SHBG: variants seen among roughly 807,000 people sequenced by gnomAD.
The protein encoded by SHBG is sex hormone-binding globulin.
A neutral mutation model predicts 41.9 loss-of-function variants in SHBG; 37 were observed. The observed-to-expected ratio is 0.88, with a 90% CI of 0.68 to 1.16. The LOEUF (loss-of-function observed/expected upper bound fraction) is 1.16, where lower values mean the gene tolerates loss of function less well. Among genes scored for constraint, SHBG ranks in the 50% most tolerant of loss-of-function variants. The probability of loss-of-function intolerance (pLI) is 0.00; values close to 1 mark genes in which losing one functional copy is unlikely to be tolerated. For missense variants in SHBG, 466 were observed against 499.9 expected (o/e 0.93, Z 0.65); for synonymous variants, 217 against 205.8 (o/e 1.05, Z -0.47).
In SHBG at chr17:7,632,717, C is replaced by T. The variant is rs2072458355; in HGVS notation, c.853-35C>T. ...CAGTAGGCCCGGCTCATTCTTCCCT[C>T]TCTCTCTACCGTCCCTTTCCCACAC... On this transcript the variant is annotated intron_variant, in intron 6 of 7. Coordinates refer to ENST00000380450, the MANE Select transcript of SHBG (RefSeq NM_001040.5). 1.9e-6 allele frequency: 3 copies of T among 1,554,460 alleles called. No homozygotes were observed. In the South Asian group the frequency reaches 3.3e-5, roughly 17 times the overall value.
Position 7,630,182 on chromosome 17 carries a change from A to G in SHBG, c.10A>G (p.Arg4Gly). 3 of 1,613,854 alleles carry G rather than the reference A, an allele frequency of 1.9e-6. No homozygotes were observed. The highest frequency in any genetic ancestry group is 2.5e-6 in the Non-Finnish European group (3 of 1,179,766). ...TGGACAGTGGCTGATTATGGAGAGC[A>G]GAGGCCCACTGGCTACCTCGCGCCT... MES[R>G]GPLATSRLLL... is the part of the protein sequence containing the mutation. Residue 4 changes from arginine (R) to glycine (G), a missense_variant, in exon 1 of 8, where the codon AGA (arginine) becomes GGA (glycine). Physicochemically the swap from Arg to Gly is moderately radical, Grantham distance 125. Coordinates refer to ENST00000380450, the MANE Select transcript of SHBG (RefSeq NM_001040.5). The surrounding 1 kb of genome is among the most constrained non-coding windows in gnomAD (Gnocchi z 4.6).
rs2072409097 is a variant in SHBG, at chr17:7,631,423, G to T, written c.555+62G>T. On this transcript the variant is annotated intron_variant, in intron 4 of 7. Coordinates refer to ENST00000380450, the MANE Select transcript of SHBG (RefSeq NM_001040.5). ...TTGGTAAAGCACTGCTGGGTGGCTG[G>T]CCGTGGGAATCTAAGTCCACACTTT... 19 of 1,592,732 alleles carry T rather than the reference G, an allele frequency of 1.2e-5. No homozygotes were observed. In the South Asian group the frequency reaches 2.0e-4, roughly 17 times the overall value.
chr17:7,627,437 A>T, upstream of SHBG: 2 of 1,613,842 alleles, frequency 1.2e-6, no homozygotes, highest in Non-Finnish European at 1.7e-6. This position sits in a 1 kb window ranked among gnomAD's most constrained non-coding sequence, Gnocchi z 4.8. Flanking sequence ...TACGGAAGCT[A>T]GATTAGAGCA....
At chr17:7,621,119 A>AACCAGCTGCATAAACTGGTCTC (rs2072087809) in intron 1 of SHBG, among the ~76,000 whole-genome samples, 2 of 121,420 alleles carry the variant, frequency 1.6e-5, no homozygotes, top group African/African-American at 3.1e-5. Flanking sequence ...AAAAAAAAAA[A>AACCAGCTGCATAAACTGGTCTC]AAAATCAAGA....
At chr17:7,629,936 G>A (rs1307355926), upstream of SHBG, among the ~76,000 whole-genome samples, 1 of 152,090 alleles carries the variant, frequency 6.6e-6, no homozygotes, top group Admixed American at 6.5e-5. Flanking sequence ...AAACTTTCTC[G>A]GCAGTGGAGG....
intron 1 of SHBG, among the ~76,000 whole-genome samples, chr17:7,619,490 G>A (rs953327312): frequency 4.6e-5 from 7 of 150,920 alleles, no homozygotes; most frequent in African/African-American, 1.5e-4. Flanking sequence ...GGCGGATCAT[G>A]AGGTCAGGAG....
chr17:7,625,964 G>A (rs1462942646), upstream of SHBG, among the ~76,000 whole-genome samples: 1 of 151,298 alleles, frequency 6.6e-6, no homozygotes, highest in Non-Finnish European at 1.5e-5. Flanking sequence ...AGCACTTTTC[G>A]AGGCCGAGGC....
At chr17:7,621,268 G>A (rs2072091053) in intron 1 of SHBG, among the ~76,000 whole-genome samples, 1 of 142,024 alleles carries the variant, frequency 7.0e-6, no homozygotes, top group Non-Finnish European at 1.6e-5. Flanking sequence ...AGACCAGCCT[G>A]GCCAACACGG....
intron 1 of SHBG, among the ~76,000 whole-genome samples, chr17:7,615,389 G>A (rs1394162536): frequency 6.6e-6 from 1 of 152,212 alleles, no homozygotes; most frequent in Non-Finnish European, 1.5e-5. Context: ...GGTGCTTGGT[G>A]CGCACGCGCT....
intron 1 of SHBG, among the ~76,000 whole-genome samples, chr17:7,615,449 ACT>A (rs1555572852): frequency 6.6e-6 from 1 of 151,964 alleles, no homozygotes; most frequent in Non-Finnish European, 1.5e-5. Context: ...AGAATCTGTA[ACT>A]CTCTACTGTA....
upstream of SHBG, chr17:7,628,235 AT>A (rs2072287297): frequency 1.0e-5 from 3 of 289,920 alleles, no homozygotes; most frequent in Admixed American, 4.4e-5. Flanking sequence ...GGGCATTTGC[AT>A]TTTTTAAATG....
chr17:7,623,036 CA>C (rs34479809), upstream of SHBG, among the ~76,000 whole-genome samples: 69,127 of 131,048 alleles, frequency 0.53, 16,649 homozygotes, highest in South Asian at 0.67. Flanking sequence ...GACTCCGTCT[CA>C]AAAAAAAAAA....
chr17:7,632,814 T>C lies in SHBG; in HGVS notation c.915T>C (p.Pro305=). The C allele has an allele frequency of 1.2e-6, 2 of 1,614,168 alleles. No homozygotes were observed. Among genetic ancestry groups the C allele is most frequent in the Non-Finnish European group, 1.7e-6 (2 of 1,180,026 alleles). The part of the protein sequence containing the change: ...GLDLPLVLGL[P]LQLKLSMSRV... ...ATCTGCCCCTGGTCTTGGGACTCCCTCTTCAGCTGAAGCTGAGTATGTCCA... is the reference window on the plus strand; with the variant it reads ...ATCTGCCCCTGGTCTTGGGACTCCCCCTTCAGCTGAAGCTGAGTATGTCCA... The change falls in exon 7 of 8, where the codon CCT becomes CCC. Residue 305 remains proline, a synonymous_variant. Coordinates refer to ENST00000380450, the MANE Select transcript of SHBG (RefSeq NM_001040.5).
chr17:7,615,652 C>A (rs2071968240), intron 1 of SHBG, among the ~76,000 whole-genome samples: 1 of 131,932 alleles, frequency 7.6e-6, no homozygotes, highest in Non-Finnish European at 1.6e-5. Context: ...AACCCACCCC[C>A]CCCCCCACCC....
At chr17:7,626,381 C>A, upstream of SHBG, 1 of 1,569,694 alleles carries the variant, frequency 6.4e-7, no homozygotes, top group Non-Finnish European at 8.7e-7. Flanking sequence ...TGGACGTAGT[C>A]TCTGAAGAGT....
At position 7,630,682 on chromosome 17, in the gene SHBG, C is replaced by A. The variant is rs1238496494; in HGVS notation, c.206C>A (p.Thr69Asn). 10 of 1,613,164 alleles carry A rather than the reference C, an allele frequency of 6.2e-6. No individual in the cohort carries two copies. The highest frequency in any genetic ancestry group is 8.5e-6 in the Non-Finnish European group (10 of 1,179,238). ...MTFDLTKITK[T>N]SSSFEVRTWD... is the part of the protein sequence containing the mutation. ...TCTTTCCTTCTGTGTCCTTCCAGAA[C>A]CTCCTCCTCCTTTGAGGTTCGAACC... Residue 69 changes from threonine to asparagine, a missense_variant and splice_region_variant, in exon 3 of 8, where the codon ACC becomes AAC. Coordinates refer to ENST00000380450, the MANE Select transcript of SHBG (RefSeq NM_001040.5). This position sits in a 1 kb window ranked among gnomAD's most constrained non-coding sequence, Gnocchi z 4.6.
rs1188776770 is a variant in SHBG at position 7,614,112 on chromosome 17, G to A, written c.-62+1G>A. 4 of 543,682 alleles carry A rather than the reference G, an allele frequency of 7.4e-6. No homozygotes were observed. The highest frequency in any genetic ancestry group is 6.6e-5 in the Admixed American group (3 of 45,138). The allele number at this position is 543,682 out of a possible 1,614,324, so 33.7% of individuals were successfully genotyped here. On this transcript the variant is annotated splice_donor_variant, in intron 1 of 5. Transcript: ENST00000570547. LOFTEE classifies it low-confidence loss of function (5UTR_SPLICE). ...GGGGAAGATGTGATTAAGGTCTAAGGTATGTCTTCCACCAGACAACGGACA... is the reference window on the plus strand; with the variant it reads ...GGGGAAGATGTGATTAAGGTCTAAGATATGTCTTCCACCAGACAACGGACA...
At chr17:7,620,311 T>C (rs1266236633) in intron 1 of SHBG, among the ~76,000 whole-genome samples, 1 of 151,676 alleles carries the variant, frequency 6.6e-6, no homozygotes, top group Admixed American at 6.6e-5. Flanking sequence ...AATAAAAAAT[T>C]TGTTGTTTGT....
At position 7,633,260 on chromosome 17, in the gene SHBG, C is replaced by G. The variant is rs1567769423; in HGVS notation, c.1117C>G (p.Leu373Val). The G allele has an allele frequency of 5.6e-6, 9 of 1,614,146 alleles. No individual in the cohort carries two copies. Among genetic ancestry groups the G allele is most frequent in the Non-Finnish European group, 5.9e-6 (7 of 1,180,014 alleles). Residue 373 changes from leucine (L) to valine (V), a missense_variant, in exon 8 of 8, where the codon CTG becomes GTG. Coordinates refer to ENST00000380450, the MANE Select transcript of SHBG (RefSeq NM_001040.5). ...TGGCCTTTGGGCACAAGGTCAGAGG[C>G]TGGATGTGGACCAGGCCCTGAACAG... is the stretch of plus-strand genomic sequence containing the variant. ...LNGLWAQGQR[L>V]DVDQALNRSH...
Sources: allele counts gnomAD v4.1 joint callset (sites outside exome capture counted in the v4.1 genomes callset), GRCh38; gene constraint gnomAD v4.1.1; non-coding constraint Gnocchi (gnomAD v3.1); transcripts MANE v1.5; gene names NCBI Gene and HGNC (gene_info 2026-07-23, HGNC 2026-07-21).